The following FOXP2 variants were observed in gnomAD, a reference collection of about 807,000 sequenced individuals.
The protein encoded by FOXP2 is forkhead box protein P2.
In FOXP2, 12 loss-of-function variants were observed where a neutral mutation model predicts 115.8. The ratio of observed to expected loss-of-function variants is 0.10; its 90% confidence interval spans 0.07 to 0.17. The LOEUF is 0.17. FOXP2 is among the 10% of genes least tolerant of loss of function. The pLI, the probability that FOXP2 is intolerant of heterozygous loss-of-function variation, is 1.00. For missense variants in FOXP2, 629 were observed against 843.5 expected (o/e 0.75, Z 3.15); for synonymous variants, 328 against 297.7 (o/e 1.10, Z -1.05).
chr7:114,370,214 T>C (rs1177939357), intron 2 of FOXP2, among the ~76,000 whole-genome samples: 4 of 152,224 alleles, frequency 2.6e-5, no homozygotes, highest in Non-Finnish European at 5.9e-5. Context: ...CTTTCTAATA[T>C]GTGAATTTAC....
chr7:114,392,292 A>G (rs1432473207), intron 2 of FOXP2, among the ~76,000 whole-genome samples: 1 of 152,248 alleles, frequency 6.6e-6, no homozygotes, highest in Non-Finnish European at 1.5e-5. Flanking sequence ...ATAAGGTGCT[A>G]GAAGCCACAA....
intron 3 of FOXP2, among the ~76,000 whole-genome samples, chr7:114,582,383 T>G (rs990533420): frequency 2.0e-5 from 3 of 152,202 alleles, no homozygotes; most frequent in Non-Finnish European, 4.4e-5. Context: ...TATCACCTTT[T>G]AGGGATTCCT....
At chr7:114,270,838 T>C (rs1006284727) in intron 1 of FOXP2, among the ~76,000 whole-genome samples, 1 of 152,122 alleles carries the variant, frequency 6.6e-6, no homozygotes, top group African/African-American at 2.4e-5. Context: ...CTTTATCAGT[T>C]ATTTATTTCA....
At chr7:114,655,966 C>T (rs1056428738) in intron 10 of FOXP2, among the ~76,000 whole-genome samples, 2 of 152,086 alleles carry the variant, frequency 1.3e-5, no homozygotes, top group Non-Finnish European at 2.9e-5. Context: ...TCAGATGAGT[C>T]GAGGTGGCTA....
chr7:114,214,120 A>G (rs1045697540), intron 1 of FOXP2, among the ~76,000 whole-genome samples: 2 of 152,176 alleles, frequency 1.3e-5, no homozygotes, highest in African/African-American at 2.4e-5. Flanking sequence ...TACATTTTGA[A>G]TGTTTGCTCC....
intron 2 of FOXP2, among the ~76,000 whole-genome samples, chr7:114,433,618 T>G (rs567897737): frequency 6.6e-6 from 1 of 151,988 alleles, no homozygotes; most frequent in Non-Finnish European, 1.5e-5. Context: ...CAAGTGTACT[T>G]ATTCTCTAGG....
rs1018895429 is a variant in FOXP2 at position 114,252,660 on chromosome 7, A to G, written c.-101-35359A>G. ...GATATCCCCTTTATCATTTTTTATT[A>G]CGTCTATTTGATTCTTCTCTCTTTT... On this transcript the variant is annotated intron_variant, in intron 1 of 17. Coordinates refer to the FOXP2 transcript ENST00000634411. Among the ~76,000 whole-genome samples, 16 of 151,706 alleles carry G rather than the reference A, an allele frequency of 1.1e-4. No homozygotes were observed. In the East Asian group the frequency reaches 1.7e-3, roughly 17 times the overall value.
At chr7:114,238,898 C>G (rs2129167219) in intron 1 of FOXP2, among the ~76,000 whole-genome samples, 1 of 149,804 alleles carries the variant, frequency 6.7e-6, no homozygotes, top group South Asian at 2.1e-4. Context: ...CCTTAGATGT[C>G]TAAATATATA....
chr7:114,426,770 G>A (rs759599809), intron 2 of FOXP2, 91 bp downstream of exon 2: 7 of 1,307,694 alleles, frequency 5.4e-6, no homozygotes, highest in Non-Finnish European at 7.6e-6. Flanking sequence ...TGAGCATGTT[G>A]TGTTAAGCTA....
intron 1 of FOXP2, among the ~76,000 whole-genome samples, chr7:114,237,249 A>T (rs1464253642): frequency 6.6e-6 from 1 of 152,216 alleles, no homozygotes; most frequent in East Asian, 1.9e-4. Context: ...CCAAGTTCAG[A>T]TAAAGTGTTG....
chr7:114,229,803 C>G (rs1399543306), intron 1 of FOXP2, among the ~76,000 whole-genome samples: 3 of 150,652 alleles, frequency 2.0e-5, no homozygotes, highest in African/African-American at 7.3e-5. Flanking sequence ...AAGAAAAATC[C>G]CAAATAATGA....
At chr7:114,442,977 A>T (rs971769636) in intron 2 of FOXP2, among the ~76,000 whole-genome samples, 3 of 152,170 alleles carry the variant, frequency 2.0e-5, no homozygotes, top group Non-Finnish European at 4.4e-5. Flanking sequence ...AGTGTAAAGG[A>T]TTATTCCAAG....
At chr7:114,283,074 C>T (rs998820473) in intron 1 of FOXP2, among the ~76,000 whole-genome samples, 1 of 152,244 alleles carries the variant, frequency 6.6e-6, no homozygotes, top group Non-Finnish European at 1.5e-5. Flanking sequence ...GTGAATTAAA[C>T]TTGTGAGTTT....
chr7:114,436,400 A>G (rs1794352406), intron 2 of FOXP2, among the ~76,000 whole-genome samples: 1 of 151,280 alleles, frequency 6.6e-6, no homozygotes, highest in South Asian at 2.1e-4. Context: ...TTATGAGGGC[A>G]AGGGCCATAT....
intron 2 of FOXP2, among the ~76,000 whole-genome samples, chr7:114,296,555 T>G (rs891908645): frequency 3.9e-5 from 6 of 152,166 alleles, no homozygotes; most frequent in African/African-American, 1.4e-4. Flanking sequence ...AATATATGTG[T>G]TTTACATATC....
intron 2 of FOXP2, among the ~76,000 whole-genome samples, chr7:114,487,892 A>T (rs1192999853): frequency 6.6e-6 from 1 of 152,112 alleles, no homozygotes; most frequent in East Asian, 1.9e-4. Flanking sequence ...CTGTCTTCTG[A>T]GCCCTCCAAA....
intron 2 of FOXP2, among the ~76,000 whole-genome samples, chr7:114,401,062 T>C (rs766519564): frequency 6.6e-6 from 1 of 152,028 alleles, no homozygotes; most frequent in Non-Finnish European, 1.5e-5. Flanking sequence ...AGACATCACC[T>C]AGGGAATGTA....
intron 2 of FOXP2, among the ~76,000 whole-genome samples, chr7:114,368,335 A>T (rs1486069172): frequency 1.3e-5 from 2 of 152,282 alleles, no homozygotes; most frequent in African/African-American, 2.4e-5. Context: ...TGGCTTTTTT[A>T]AAAAAACCAA....
intron 2 of FOXP2, among the ~76,000 whole-genome samples, chr7:114,352,985 G>A (rs1221133080): frequency 3.3e-5 from 5 of 152,026 alleles, no homozygotes; most frequent in Non-Finnish European, 2.9e-5. Context: ...GGCAAGAAGA[G>A]GATTTCTTAC....
Sources: allele counts gnomAD v4.1 joint callset (sites outside exome capture counted in the v4.1 genomes callset), GRCh38; gene constraint gnomAD v4.1.1; transcripts MANE v1.5; gene names NCBI Gene and HGNC (gene_info 2026-07-23, HGNC 2026-07-21).